The following PDE1A variants were observed in gnomAD, a reference collection of about 807,000 sequenced individuals.
PDE1A encodes dual specificity calcium/calmodulin-dependent 3',5'-cyclic nucleotide phosphodiesterase 1A.
PDE1A carries 35 observed loss-of-function variants against 61.7 expected under a neutral mutation model. That is an observed-to-expected ratio of 0.57 (90% CI 0.43 to 0.75). PDE1A has a LOEUF of 0.75. Among genes scored for constraint, PDE1A ranks in the 30% least tolerant of loss-of-function variants. The pLI is 0.00. For synonymous variants in PDE1A, 232 were observed against 213.2 expected (o/e 1.09, Z -0.77); for missense variants, 597 against 630.6 (o/e 0.95, Z 0.57).
At chr2:182,429,803 T>C (rs191719191), upstream of PDE1A, among the ~76,000 whole-genome samples, 159 of 152,284 alleles carry the variant, frequency 1.0e-3, no homozygotes, top group African/African-American at 3.8e-3. Flanking sequence ...ATTGTTATAG[T>C]CTGGCTGTGT....
chr2:182,249,225 G>C (rs1157053215), intron 2 of PDE1A, among the ~76,000 whole-genome samples: 2 of 152,236 alleles, frequency 1.3e-5, no homozygotes, highest in African/African-American at 4.8e-5. Flanking sequence ...AACACCAATA[G>C]CGTCCTGGGT....
intron 1 of PDE1A, among the ~76,000 whole-genome samples, chr2:182,426,163 T>A (rs1041107697): frequency 1.3e-5 from 2 of 152,188 alleles, no homozygotes; most frequent in Non-Finnish European, 2.9e-5. Context: ...TTCAAATTTA[T>A]CTCCCGACAC....
intron 3 of PDE1A, among the ~76,000 whole-genome samples, chr2:182,237,360 G>T (rs1174112026): frequency 6.6e-6 from 1 of 152,054 alleles, no homozygotes; most frequent in East Asian, 1.9e-4. Flanking sequence ...GCCGTGCGTG[G>T]TGGCATGCGC....
chr2:182,618,544 C>T, the PDE1A span, among the ~76,000 whole-genome samples: 1 of 150,962 alleles, frequency 6.6e-6, no homozygotes, highest in Non-Finnish European at 1.5e-5. Flanking sequence ...CACTAAGAAT[C>T]ATTGTTGAGC....
intron 1 of PDE1A, among the ~76,000 whole-genome samples, chr2:182,275,988 C>G (rs1235558264): frequency 6.6e-6 from 1 of 152,060 alleles, no homozygotes; most frequent in Non-Finnish European, 1.5e-5. Flanking sequence ...TCAACACCTT[C>G]AACATATAGG....
chr2:182,501,556 A>G (rs1018934979), intron 2 of PDE1A, among the ~76,000 whole-genome samples: 19 of 152,360 alleles, frequency 1.2e-4, no homozygotes, highest in African/African-American at 4.1e-4. Flanking sequence ...TCTTCTACAG[A>G]GGAAAATAAA....
chr2:182,351,099 T>C (rs1457548325), intron 1 of PDE1A, among the ~76,000 whole-genome samples: 4 of 152,206 alleles, frequency 2.6e-5, no homozygotes, highest in Non-Finnish European at 2.9e-5. Context: ...TTGGGATAAT[T>C]TGAAGAAAAA....
At chr2:182,169,689 C>T (rs1317427998) in intron 13 of PDE1A, among the ~76,000 whole-genome samples, 1 of 151,948 alleles carries the variant, frequency 6.6e-6, no homozygotes. Flanking sequence ...ACAGACCACC[C>T]CTACTTTCAA....
At chr2:182,567,296 G>C in the PDE1A span, among the ~76,000 whole-genome samples, 1 of 152,152 alleles carries the variant, frequency 6.6e-6, no homozygotes, top group Non-Finnish European at 1.5e-5. Context: ...ATTTGTGTTT[G>C]ATATCTCTCC....
At chr2:182,336,101 T>G (rs1341163753) in intron 1 of PDE1A, among the ~76,000 whole-genome samples, 1 of 152,132 alleles carries the variant, frequency 6.6e-6, no homozygotes, top group African/African-American at 2.4e-5. Context: ...TGGTGATCAT[T>G]TAAAAGTCAG....
intron 1 of PDE1A, among the ~76,000 whole-genome samples, chr2:182,390,655 G>A (rs1040198520): frequency 6.6e-6 from 1 of 152,130 alleles, no homozygotes; most frequent in Non-Finnish European, 1.5e-5. Flanking sequence ...AGCCCTTATC[G>A]TGTGAGTGGC....
intron 2 of PDE1A, among the ~76,000 whole-genome samples, chr2:182,437,039 G>T (rs895208092): frequency 1.3e-5 from 2 of 151,848 alleles, no homozygotes; most frequent in Non-Finnish European, 2.9e-5. Flanking sequence ...ATCTGGTTTG[G>T]GTCAATCTCA....
At chr2:182,715,401 A>C in the PDE1A span, among the ~76,000 whole-genome samples, 2 of 152,192 alleles carry the variant, frequency 1.3e-5, no homozygotes, top group African/African-American at 4.8e-5. Context: ...CCTACCAAGT[A>C]TTAGCTTAGC....
chr2:182,193,773 G>A (rs1193387097), intron 10 of PDE1A, among the ~76,000 whole-genome samples: 3 of 152,118 alleles, frequency 2.0e-5, no homozygotes, highest in Admixed American at 6.6e-5. Context: ...AACCCCTGGT[G>A]TAATCGGTGT....
intron 1 of PDE1A, among the ~76,000 whole-genome samples, chr2:182,386,529 C>T (rs1223374246): frequency 1.3e-5 from 2 of 151,206 alleles, no homozygotes; most frequent in African/African-American, 2.4e-5. Flanking sequence ...CGTCTCTGCC[C>T]GGCCGCTCCG....
intron 2 of PDE1A, among the ~76,000 whole-genome samples, chr2:182,253,173 G>A (rs1321196324): frequency 6.6e-6 from 1 of 152,110 alleles, no homozygotes; most frequent in Non-Finnish European, 1.5e-5. Flanking sequence ...GTGACTCCTG[G>A]GAAGGATTAG....
the PDE1A span, among the ~76,000 whole-genome samples, chr2:182,684,039 C>T: frequency 6.6e-6 from 1 of 150,906 alleles, no homozygotes; most frequent in Admixed American, 6.6e-5. Context: ...AGGGGAATCG[C>T]TTGAACCTGG....
intron 2 of PDE1A, among the ~76,000 whole-genome samples, chr2:182,517,840 G>T (rs1690305515): frequency 6.6e-6 from 1 of 152,106 alleles, no homozygotes; most frequent in Non-Finnish European, 1.5e-5. Context: ...GAAACACCTT[G>T]CCATCACTGC....
chr2:182,504,333 T>C (rs944361885), intron 2 of PDE1A, among the ~76,000 whole-genome samples: 1 of 152,242 alleles, frequency 6.6e-6, no homozygotes, highest in African/African-American at 2.4e-5. Flanking sequence ...GTAATACTGG[T>C]AGATACAACC....
Sources: gnomAD v4.1 joint callset for allele counts (sites outside exome capture counted in the v4.1 genomes callset) on GRCh38, gnomAD v4.1.1 for gene constraint, MANE v1.5 for transcripts, NCBI Gene and HGNC (gene_info 2026-07-23, HGNC 2026-07-21) for gene names.